TNIK: variants seen among roughly 807,000 people sequenced by gnomAD.
TNIK encodes TRAF2 and NCK interacting kinase.
Under a neutral mutation model 191.3 loss-of-function variants are expected in TNIK, and 49 were observed. That is an observed-to-expected ratio of 0.26 (90% confidence interval 0.20 to 0.32). TNIK has a LOEUF of 0.32. Among genes scored for constraint, TNIK ranks in the 10% least tolerant of loss-of-function variants. TNIK has a pLI of 1.00. For synonymous variants in TNIK, 594 were observed against 600.9 expected (o/e 0.99, Z 0.17); for missense variants, 1,155 against 1,702.3 (o/e 0.68, Z 5.66).
chr3:171,123,267 T>C (rs1306461379), intron 18 of TNIK, among the ~76,000 whole-genome samples: 2 of 152,260 alleles, frequency 1.3e-5, no homozygotes, highest in African/African-American at 4.8e-5. Context: ...AACTGATCTC[T>C]GAAGTAATGC....
Position 171,195,743 on chromosome 3 carries a change from G to A in TNIK, c.307-1108C>T, listed in dbSNP as rs1018669127. Among the ~76,000 whole-genome samples the A allele has an allele frequency of 7.2e-5, 11 of 152,102 alleles. No homozygotes were observed. In the East Asian group the frequency reaches 7.7e-4, roughly 11 times the overall value. The stretch of plus-strand genomic sequence containing the variant: ...ACTTGTCTTCTTATGATTCCACAAC[G>A]GCTAGGGAAACCTTCCCACCTTCTC... On this transcript the variant is annotated intron_variant, in intron 4 of 32. Transcript: ENST00000436636.
chr3:171,282,229 A>C (rs948938645), intron 2 of TNIK, among the ~76,000 whole-genome samples: 5 of 152,310 alleles, frequency 3.3e-5, no homozygotes, highest in African/African-American at 1.2e-4. Context: ...AGGAGAAAGA[A>C]GAGCCAGCAC....
In TNIK at chr3:171,110,716, C is replaced by G. The variant is rs756914989; in HGVS notation, c.2282G>C (p.Arg761Pro). The G allele has an allele frequency of 6.3e-7, 1 of 1,587,650 alleles. No homozygotes were observed. Among genetic ancestry groups the G allele is most frequent in the Non-Finnish European group, 8.6e-7 (1 of 1,166,464 alleles). ...QAGSSERTRV[R>P]ANSKSEGSPV... ...GTAAAGGTAAGAGAAAGTTTTACCT[C>G]GAACTCTGGTGCGTTCACTGGATCC... is the stretch of plus-strand genomic sequence containing the variant. The change falls in exon 19 of 33, where the codon CGA (arginine) becomes CCA (proline). Residue 761 changes from arginine (R) to proline (P), a missense_variant and splice_region_variant. Arg to Pro is a moderately radical substitution (Grantham distance 103, BLOSUM62 -2). Transcript: ENST00000436636.
chr3:171,266,661 C>T (rs939771862), intron 2 of TNIK, among the ~76,000 whole-genome samples: 2 of 152,214 alleles, frequency 1.3e-5, no homozygotes, highest in Non-Finnish European at 2.9e-5. Context: ...CATGGGAAAA[C>T]CTGAGCCTTT....
intron 2 of TNIK, among the ~76,000 whole-genome samples, chr3:171,292,855 C>G (rs1401942187): frequency 1.3e-5 from 2 of 151,066 alleles, no homozygotes; most frequent in Admixed American, 6.6e-5. Flanking sequence ...CCTTGTCTGA[C>G]TCTCTCCTTT....
At chr3:171,124,849 C>G (rs1728252548) in intron 17 of TNIK, among the ~76,000 whole-genome samples, 1 of 152,070 alleles carries the variant, frequency 6.6e-6, no homozygotes, top group South Asian at 2.1e-4. Context: ...GAGAGTGGAC[C>G]AATAAATTCA....
At chr3:171,393,594 C>T (rs566250592) in intron 1 of TNIK, among the ~76,000 whole-genome samples, 11 of 152,214 alleles carry the variant, frequency 7.2e-5, no homozygotes, top group Non-Finnish European at 1.5e-4. Flanking sequence ...AAGGGAATAA[C>T]GTTACCCTCT....
At chr3:171,362,331 A>G (rs113775641) in intron 2 of TNIK, among the ~76,000 whole-genome samples, 17 of 152,236 alleles carry the variant, frequency 1.1e-4, no homozygotes, top group Admixed American at 3.9e-4. Flanking sequence ...TGTTTTTGCC[A>G]TTAAAAGTAA....
intron 2 of TNIK, among the ~76,000 whole-genome samples, chr3:171,313,524 C>T (rs1162232516): frequency 6.6e-6 from 1 of 152,090 alleles, no homozygotes; most frequent in Non-Finnish European, 1.5e-5. Context: ...ACAGTTGTTA[C>T]ATAAAAGAGT....
intron 17 of TNIK, among the ~76,000 whole-genome samples, chr3:171,124,772 A>G (rs1384848058): frequency 6.6e-6 from 1 of 152,178 alleles, no homozygotes; most frequent in Non-Finnish European, 1.5e-5. Flanking sequence ...GAATTCTTAA[A>G]ACCTAAGTTT....
rs770385680 is a variant in TNIK at position 171,138,209 on chromosome 3, C to T, written c.1590G>A (p.Lys530=). Residue 530 remains lysine (K), a synonymous_variant, in exon 15 of 33, where the codon AAG becomes AAA. Coordinates refer to ENST00000436636, the MANE Select transcript of TNIK (RefSeq NM_015028.4). ...HYKEGMSPSE[K]PAWAKEVEER... ...TACTTACCTCCTTGGCCCATGCTGG[C>T]TTCTCACTAGGACTCATTCCTTCTT... is the stretch of plus-strand genomic sequence containing the variant. 3.1e-6 allele frequency: 5 copies of T among 1,603,556 alleles called. No individual in the cohort carries two copies. The highest frequency in any genetic ancestry group is 4.2e-6 in the Non-Finnish European group (5 of 1,176,538).
At chr3:171,072,987 T>C (rs955536792) in intron 28 of TNIK, among the ~76,000 whole-genome samples, 1 of 152,086 alleles carries the variant, frequency 6.6e-6, no homozygotes, top group African/African-American at 2.4e-5. Context: ...TTAAAGTGAC[T>C]ATACTGCCAA....
At chr3:171,431,979 T>C (rs1220081043) in intron 1 of TNIK, among the ~76,000 whole-genome samples, 2 of 152,256 alleles carry the variant, frequency 1.3e-5, no homozygotes, top group Non-Finnish European at 2.9e-5. Context: ...TTGTATTGTA[T>C]CTTGACAACT....
chr3:171,130,403 C>T (rs1371105552), intron 15 of TNIK, among the ~76,000 whole-genome samples: 1 of 152,164 alleles, frequency 6.6e-6, no homozygotes, highest in East Asian at 1.9e-4. Flanking sequence ...TTTTGAAATC[C>T]CGTGTCCCAG....
intron 18 of TNIK, among the ~76,000 whole-genome samples, chr3:171,111,231 G>A (rs1725808796): frequency 1.3e-5 from 2 of 152,096 alleles, no homozygotes; most frequent in Admixed American, 6.5e-5. Context: ...AGACCAGCCT[G>A]GGCAACATAG....
chr3:171,303,893 A>T (rs1360478771), intron 2 of TNIK, among the ~76,000 whole-genome samples: 1 of 152,136 alleles, frequency 6.6e-6, no homozygotes. Flanking sequence ...TATGACTGTG[A>T]GTCAGGTGAG....
chr3:171,115,270 C>A (rs555769007), intron 18 of TNIK, among the ~76,000 whole-genome samples: 1 of 152,306 alleles, frequency 6.6e-6, no homozygotes, highest in South Asian at 2.1e-4. Context: ...GCTACTTGTT[C>A]TAATGTAGCA....
chr3:171,322,801 T>A (rs979061442), intron 2 of TNIK, among the ~76,000 whole-genome samples: 40 of 135,328 alleles, frequency 3.0e-4, no homozygotes, highest in African/African-American at 1.2e-3. Flanking sequence ...TTGTTATTAG[T>A]GTTTTTTTTG....
chr3:171,126,031 G>C lies in TNIK; in HGVS notation c.1894C>G (p.Arg632Gly), dbSNP rs772825985. Residue 632 changes from arginine (R) to glycine (G), a missense_variant, in exon 17 of 33, where the codon CGC (arginine) becomes GGC (glycine). Physicochemically the swap from Arg to Gly is moderately radical, Grantham distance 125. Coordinates refer to ENST00000436636, the MANE Select transcript of TNIK (RefSeq NM_015028.4). ...GAGTTCTGGCGTGGCATCTCCACGC[G>C]GTGGGAGGTCACGTTCAGAGCCTCC... ...FQEALNVTSH[R>G]VEMPRQNSDP... The C allele has an allele frequency of 3.1e-6, 5 of 1,613,818 alleles. No homozygotes were observed. Among genetic ancestry groups the C allele is most frequent in the Non-Finnish European group, 8.5e-7 (1 of 1,179,864 alleles).
Sources: allele counts gnomAD v4.1 joint callset (sites outside exome capture counted in the v4.1 genomes callset), GRCh38; gene constraint gnomAD v4.1.1; transcripts MANE v1.5; gene names NCBI Gene and HGNC (gene_info 2026-07-23, HGNC 2026-07-21).